ZNF804B: variants seen among roughly 807,000 people sequenced by gnomAD.
ZNF804B encodes zinc finger protein 804B, also known as zinc finger 804B.
In ZNF804B, 80 loss-of-function variants were observed where a neutral mutation model predicts 101.4. The ratio of observed to expected loss-of-function variants is 0.79; its 90% CI spans 0.66 to 0.95. ZNF804B has a LOEUF of 0.95. ZNF804B is among the 40% of genes least tolerant of loss of function. The pLI, the probability that ZNF804B is intolerant of heterozygous loss-of-function variation, is 0.00. For synonymous variants in ZNF804B, 622 were observed against 558.8 expected, an observed-to-expected ratio of 1.11 and a Z score of -1.59; for missense variants, 1,673 against 1,561.9, an observed-to-expected ratio of 1.07 and a Z score of -1.20.
At chr7:89,084,397 A>G (rs1170596961) in intron 1 of ZNF804B, among the ~76,000 whole-genome samples, 4 of 151,896 alleles carry the variant, frequency 2.6e-5, no homozygotes, top group Non-Finnish European at 5.9e-5. Flanking sequence ...AAACCATACT[A>G]TAGGTTTAAG....
At chr7:89,151,490 G>C (rs903146984) in intron 1 of ZNF804B, among the ~76,000 whole-genome samples, 1 of 151,954 alleles carries the variant, frequency 6.6e-6, no homozygotes, top group African/African-American at 2.4e-5. Flanking sequence ...ACGTAGAATT[G>C]AACTCACAGA....
intron 2 of ZNF804B, among the ~76,000 whole-genome samples, chr7:89,277,491 CCTCCCCCCT>C (rs1790005838): frequency 1.9e-5 from 1 of 52,992 alleles, no homozygotes; most frequent in Admixed American, 1.6e-4. Flanking sequence ...CCCCCTCCCC[CCTCCCCCCT>C]ACCCCCACCC....
intron 1 of ZNF804B, among the ~76,000 whole-genome samples, chr7:89,165,692 T>C (rs1171731879): frequency 6.6e-6 from 1 of 152,060 alleles, no homozygotes; most frequent in African/African-American, 2.4e-5. Flanking sequence ...AAACGGAAGA[T>C]TTGGTTTAAA....
chr7:89,336,542 C>G lies in ZNF804B; in HGVS notation c.3560C>G (p.Thr1187Ser), dbSNP rs1791095233. The G allele has an allele frequency of 1.2e-6, 2 of 1,613,998 alleles. No individual in the cohort carries two copies. The highest frequency in any genetic ancestry group is 1.7e-5 in the Admixed American group (1 of 59,964). Residue 1187 changes from threonine (T) to serine (S), a missense_variant, in exon 4 of 4, where the codon ACT (threonine) becomes AGT (serine). Transcript: ENST00000333190. ...HLRVLPAAGP[T>S]AFSPASTVQT... Reference sequence around the variant, plus strand: ...CGAGTTTTGCCTGCTGCAGGGCCTACTGCCTTCTCTCCGGCCTCAACCGTA... The same window carrying G: ...CGAGTTTTGCCTGCTGCAGGGCCTAGTGCCTTCTCTCCGGCCTCAACCGTA...
chr7:89,259,428 A>G (rs1477705514), intron 2 of ZNF804B, among the ~76,000 whole-genome samples: 1 of 152,184 alleles, frequency 6.6e-6, no homozygotes, highest in Non-Finnish European at 1.5e-5. Context: ...AGTTTTCTCC[A>G]GCAGTAATTT....
chr7:89,214,212 T>G (rs770954755), intron 1 of ZNF804B, among the ~76,000 whole-genome samples: 14 of 152,218 alleles, frequency 9.2e-5, no homozygotes, highest in Non-Finnish European at 2.1e-4. Context: ...TATTCAATAT[T>G]CAATTTGTAA....
At chr7:88,786,990 G>A (rs1452699033) in intron 1 of ZNF804B, among the ~76,000 whole-genome samples, 1 of 152,102 alleles carries the variant, frequency 6.6e-6, no homozygotes, top group Non-Finnish European at 1.5e-5. Context: ...ATGTGGTTGA[G>A]TACCATGTAC....
rs532863209 is a variant in ZNF804B, at chr7:89,272,555, C to T, written c.249+54260C>T. Reference sequence around the variant, plus strand: ...GGTAATTGAAGTGAAATGCAGGGTTCTAAACAACAGATACATTCTCAAAAT... The same window carrying T: ...GGTAATTGAAGTGAAATGCAGGGTTTTAAACAACAGATACATTCTCAAAAT... On this transcript the variant is annotated intron_variant, in intron 2 of 3. Coordinates refer to ENST00000333190, the MANE Select transcript of ZNF804B (RefSeq NM_181646.5). Among the ~76,000 whole-genome samples the T allele has an allele frequency of 4.6e-5, 7 of 152,134 alleles. No homozygotes were observed. The South Asian group carries it at 1.5e-3, about 32-fold the overall frequency.
chr7:88,784,307 G>T (rs1176759912), intron 1 of ZNF804B, among the ~76,000 whole-genome samples: 1 of 152,158 alleles, frequency 6.6e-6, no homozygotes, highest in Non-Finnish European at 1.5e-5. Flanking sequence ...CTCACTTTCT[G>T]CACAGCTTAG....
intron 1 of ZNF804B, 61 bp downstream of exon 1, chr7:88,760,145 A>G (rs1403032261): frequency 3.0e-6 from 4 of 1,343,538 alleles, no homozygotes; most frequent in Non-Finnish European, 4.3e-6. Context: ...AAACAAAAAG[A>G]TATTGAGAGA....
At position 88,896,221 on chromosome 7, in the gene ZNF804B, A is replaced by C. The variant is rs1162721000; in HGVS notation, c.108+136137A>C. Among the ~76,000 whole-genome samples, 3 of 152,300 alleles carry C rather than the reference A, an allele frequency of 2.0e-5. No individual in the cohort carries two copies. The East Asian group carries it at 5.8e-4, about 29-fold the overall frequency. The stretch of plus-strand genomic sequence containing the variant: ...CTGAAGAAATCCAAATGAAGCATAG[A>C]GTTTAGTTCATGGTAATTTATCAAG... On this transcript the variant is annotated intron_variant, in intron 1 of 3. Coordinates refer to ENST00000333190, the MANE Select transcript of ZNF804B (RefSeq NM_181646.5).
In ZNF804B at chr7:88,875,698, C is replaced by T. The variant is rs527839767; in HGVS notation, c.108+115614C>T. Among the ~76,000 whole-genome samples, 1,119 of 152,096 alleles carry T rather than the reference C, an allele frequency of 7.4e-3. 18 individuals carry two copies. Among genetic ancestry groups the T allele is most frequent in the African/African-American group, 0.025 (1,053 of 41,466 alleles). On this transcript the variant is annotated intron_variant, in intron 1 of 3. Coordinates refer to ENST00000333190, the MANE Select transcript of ZNF804B (RefSeq NM_181646.5). The stretch of plus-strand genomic sequence containing the variant: ...TTACCAACCAAAAAGAGTCCAGGAC[C>T]AGATGGATTCACAGCCGAATTCTAC...
At chr7:88,916,225 A>G (rs1018633577) in intron 1 of ZNF804B, among the ~76,000 whole-genome samples, 5 of 152,014 alleles carry the variant, frequency 3.3e-5, no homozygotes, top group African/African-American at 1.2e-4. Context: ...CACCTTCTTT[A>G]TATTTGGGTT....
intron 1 of ZNF804B, among the ~76,000 whole-genome samples, chr7:89,129,065 T>C (rs1039237334): frequency 3.9e-5 from 6 of 152,000 alleles, no homozygotes; most frequent in Non-Finnish European, 1.5e-5. Flanking sequence ...GCCTAGAACC[T>C]GCATTTAATA....
intron 1 of ZNF804B, among the ~76,000 whole-genome samples, chr7:89,124,809 T>G (rs562423263): frequency 6.6e-6 from 1 of 152,212 alleles, no homozygotes; most frequent in South Asian, 2.1e-4. Flanking sequence ...AATAGAATTT[T>G]TTTTTTCAGT....
intron 2 of ZNF804B, among the ~76,000 whole-genome samples, chr7:89,316,828 A>G (rs1392149152): frequency 1.3e-5 from 2 of 151,812 alleles, no homozygotes; most frequent in Non-Finnish European, 2.9e-5. Context: ...AGCAGCACGG[A>G]GGCATGAAAA....
At chr7:88,776,042 C>T (rs1271289614) in intron 1 of ZNF804B, among the ~76,000 whole-genome samples, 1 of 152,146 alleles carries the variant, frequency 6.6e-6, no homozygotes, top group Non-Finnish European at 1.5e-5. Context: ...TATTCCAGCT[C>T]TGACCAGCTG....
chr7:89,211,819 C>T lies in ZNF804B; in HGVS notation c.109-6336C>T, dbSNP rs1788809302. Among the ~76,000 whole-genome samples, 5 of 152,158 alleles carry T rather than the reference C, an allele frequency of 3.3e-5. No homozygotes were observed. In the South Asian group the frequency reaches 1.0e-3, roughly 31 times the overall value. On this transcript the variant is annotated intron_variant, in intron 1 of 3. Coordinates refer to ENST00000333190, the MANE Select transcript of ZNF804B (RefSeq NM_181646.5). Reference sequence around the variant, plus strand: ...TTCTTTTAGCTTAGGATTGTCATTGCTACACAAGCTCTTTTTTGAATCTAT... The same window carrying T: ...TTCTTTTAGCTTAGGATTGTCATTGTTACACAAGCTCTTTTTTGAATCTAT...
intron 1 of ZNF804B, among the ~76,000 whole-genome samples, chr7:89,032,703 A>G (rs1279081155): frequency 6.6e-6 from 1 of 152,104 alleles, no homozygotes; most frequent in African/African-American, 2.4e-5. Flanking sequence ...CAGTTTGAAA[A>G]TAAGAGAGAC....
Sources: allele counts gnomAD v4.1 joint callset (sites outside exome capture counted in the v4.1 genomes callset), GRCh38; gene constraint gnomAD v4.1.1; transcripts MANE v1.5; gene names NCBI Gene and HGNC (gene_info 2026-07-23, HGNC 2026-07-21).